Variants in SGCZ observed in about 807,000 individuals in gnomAD.
SGCZ encodes the protein sarcoglycan zeta.
Under a neutral mutation model 41.3 loss-of-function variants are expected in SGCZ, and 40 were observed. That is an observed-to-expected ratio of 0.97 (90% CI 0.75 to 1.26). SGCZ has a LOEUF of 1.26. SGCZ is among the 50% of genes most tolerant of loss of function. The pLI is 0.00. For missense variants in SGCZ, 552 were observed against 369.8 expected, an observed-to-expected ratio of 1.49 and a Z score of -4.04; for synonymous variants, 206 against 137.5, an observed-to-expected ratio of 1.50 and a Z score of -3.49.
At chr8:14,340,818 T>A (rs1028984925) in intron 2 of SGCZ, among the ~76,000 whole-genome samples, 3 of 152,158 alleles carry the variant, frequency 2.0e-5, no homozygotes, top group African/African-American at 7.2e-5. Flanking sequence ...TAAATAATTT[T>A]TAAGGGTATG....
At chr8:14,996,798 A>G (rs1802235863) in intron 1 of SGCZ, among the ~76,000 whole-genome samples, 1 of 152,194 alleles carries the variant, frequency 6.6e-6, no homozygotes, top group Non-Finnish European at 1.5e-5. Flanking sequence ...ATGCCAAACA[A>G]TAATTTGTGC....
intron 1 of SGCZ, among the ~76,000 whole-genome samples, chr8:14,960,931 G>GCACA (rs56258079): frequency 1.0e-3 from 144 of 144,458 alleles, no homozygotes; most frequent in Middle Eastern, 3.6e-3. Context: ...CAAGGAAATG[G>GCACA]CACACACACA....
intron 4 of SGCZ, among the ~76,000 whole-genome samples, chr8:14,170,071 T>G (rs560253777): frequency 6.8e-6 from 1 of 147,606 alleles, no homozygotes. Flanking sequence ...TTTTTTTTTT[T>G]ACTTTTCCTT....
chr8:14,132,450 C>T (rs774528668), intron 5 of SGCZ, among the ~76,000 whole-genome samples: 5 of 152,136 alleles, frequency 3.3e-5, no homozygotes, highest in Non-Finnish European at 5.9e-5. Context: ...GTCCTTTGTA[C>T]CTAAGACAAC....
chr8:14,364,543 C>G (rs1434220588), intron 2 of SGCZ, among the ~76,000 whole-genome samples: 2 of 152,050 alleles, frequency 1.3e-5, no homozygotes, highest in African/African-American at 4.8e-5. Flanking sequence ...TCTTTCTAAT[C>G]CATGCCAAAC....
At chr8:15,127,017 T>G (rs1179652795) in intron 1 of SGCZ, among the ~76,000 whole-genome samples, 1 of 152,178 alleles carries the variant, frequency 6.6e-6, no homozygotes, top group Admixed American at 6.5e-5. Flanking sequence ...AAGTATTGCA[T>G]TCTGTAGTTT....
chr8:14,486,954 A>G (rs1459245801), intron 2 of SGCZ, among the ~76,000 whole-genome samples: 1 of 152,240 alleles, frequency 6.6e-6, no homozygotes, highest in African/African-American at 2.4e-5. Flanking sequence ...AGAGCATGGA[A>G]TGAAGCAGTT....
At chr8:14,763,461 T>C (rs1323643162) in intron 1 of SGCZ, among the ~76,000 whole-genome samples, 2 of 152,214 alleles carry the variant, frequency 1.3e-5, no homozygotes, top group African/African-American at 2.4e-5. Context: ...GTTGTTATCT[T>C]AGCATGTCTC....
At chr8:14,614,813 A>T (rs1480544781) in intron 1 of SGCZ, among the ~76,000 whole-genome samples, 1 of 152,184 alleles carries the variant, frequency 6.6e-6, no homozygotes, top group African/African-American at 2.4e-5. Context: ...TAATAAACTA[A>T]GAAAAATGAA....
chr8:14,755,972 G>C (rs1323556403), intron 1 of SGCZ, among the ~76,000 whole-genome samples: 1 of 152,064 alleles, frequency 6.6e-6, no homozygotes. Context: ...TAAATATGTA[G>C]TTCATAGGAA....
At chr8:15,097,801 TATATATATATATAC>T (rs1806410992) in intron 1 of SGCZ, among the ~76,000 whole-genome samples, 1 of 106,374 alleles carries the variant, frequency 9.4e-6, no homozygotes, top group Non-Finnish European at 1.8e-5. Context: ...TATATACGTG[TATATATATATATAC>T]GTGTGTGTAT....
chr8:14,684,910 G>C (rs1250741942), intron 1 of SGCZ, among the ~76,000 whole-genome samples: 1 of 151,930 alleles, frequency 6.6e-6, no homozygotes, highest in Non-Finnish European at 1.5e-5. Flanking sequence ...CGTAATTCCT[G>C]GTCCTCTGTT....
intron 1 of SGCZ, among the ~76,000 whole-genome samples, chr8:15,100,832 T>TA (rs1183090617): frequency 1.3e-5 from 2 of 152,034 alleles, no homozygotes; most frequent in Non-Finnish European, 2.9e-5. Flanking sequence ...TAATTAAAAA[T>TA]AAAAAAATTA....
Position 15,013,392 on chromosome 8 carries a change from A to G in SGCZ, c.39+224193T>C, listed in dbSNP as rs75318239. Among the ~76,000 whole-genome samples, 1,365 of 152,316 alleles carry G rather than the reference A, an allele frequency of 9.0e-3. 11 individuals carry two copies. Among genetic ancestry groups the G allele is most frequent in the South Asian group, 0.022 (106 of 4,826 alleles). ...CATGTATTTTATTCCCATGAATTGA[A>G]GTGGGGTGCATTTAATCTTGCCCTT... is the stretch of plus-strand genomic sequence containing the variant. On this transcript the variant is annotated intron_variant, in intron 1 of 7. Transcript: ENST00000382080.
intron 2 of SGCZ, among the ~76,000 whole-genome samples, chr8:14,352,590 C>T (rs527676148): frequency 9.9e-4 from 150 of 152,186 alleles, no homozygotes; most frequent in South Asian, 6.8e-3. Context: ...CACAAACAAC[C>T]AGGAAGAGAA....
At chr8:15,156,961 A>AAAG (rs1161001084) in intron 1 of SGCZ, among the ~76,000 whole-genome samples, 64 of 150,486 alleles carry the variant, frequency 4.3e-4, no homozygotes, top group African/African-American at 1.5e-3. Flanking sequence ...AAAAAAAAAG[A>AAAG]AAAGAAAAAG....
intron 1 of SGCZ, among the ~76,000 whole-genome samples, chr8:15,139,914 C>T (rs1437979316): frequency 6.6e-6 from 1 of 152,154 alleles, no homozygotes; most frequent in Non-Finnish European, 1.5e-5. Context: ...GTCACTATTA[C>T]TTTATACCTG....
chr8:14,471,755 A>G (rs1801218732), intron 2 of SGCZ, among the ~76,000 whole-genome samples: 1 of 152,144 alleles, frequency 6.6e-6, no homozygotes, highest in African/African-American at 2.4e-5. Context: ...CACTGAATTT[A>G]AGAAATCACT....
intron 2 of SGCZ, among the ~76,000 whole-genome samples, chr8:14,463,404 G>T (rs1461121533): frequency 1.7e-5 from 2 of 120,478 alleles, no homozygotes; most frequent in African/African-American, 6.3e-5. Context: ...AACAAGTGGT[G>T]TAAAAAAAAA....
Sources: allele counts gnomAD v4.1 joint callset (sites outside exome capture counted in the v4.1 genomes callset), GRCh38; gene constraint gnomAD v4.1.1; transcripts MANE v1.5; gene names NCBI Gene and HGNC (gene_info 2026-07-23, HGNC 2026-07-21).